The following SGCZ variants were observed in gnomAD, a reference collection of about 807,000 sequenced individuals.
SGCZ encodes the protein sarcoglycan zeta.
Under a neutral mutation model 41.3 loss-of-function variants are expected in SGCZ, and 40 were observed. The ratio of observed to expected loss-of-function variants is 0.97; its 90% CI spans 0.75 to 1.26. The LOEUF (loss-of-function observed/expected upper bound fraction) is 1.26. Ranked by LOEUF, SGCZ falls within the 50% of genes most tolerant of loss-of-function variation. SGCZ has a pLI of 0.00. For synonymous variants in SGCZ, 206 were observed against 137.5 expected (o/e 1.50, Z -3.49); for missense variants, 552 against 369.8 (o/e 1.49, Z -4.04).
intron 1 of SGCZ, among the ~76,000 whole-genome samples, chr8:14,654,665 G>A (rs948743398): frequency 1.3e-5 from 2 of 151,838 alleles, no homozygotes; most frequent in African/African-American, 2.4e-5. Context: ...ACTGCTTCCC[G>A]AGTTCAAGCG....
chr8:14,832,498 T>C (rs1238967800), intron 1 of SGCZ, among the ~76,000 whole-genome samples: 1 of 148,716 alleles, frequency 6.7e-6, no homozygotes, highest in Non-Finnish European at 1.5e-5. Flanking sequence ...ATGGGTAGCA[T>C]TTTTTTTAAC....
intron 1 of SGCZ, among the ~76,000 whole-genome samples, chr8:14,611,700 T>C (rs1411983902): frequency 6.6e-6 from 1 of 152,180 alleles, no homozygotes; most frequent in African/African-American, 2.4e-5. Flanking sequence ...AGATTTTTCA[T>C]AAAGAAATAT....
intron 1 of SGCZ, among the ~76,000 whole-genome samples, chr8:14,880,497 C>G (rs148205037): frequency 3.9e-5 from 6 of 152,060 alleles, no homozygotes; most frequent in African/African-American, 1.4e-4. Context: ...TAAAGACACA[C>G]GCACACGTAT....
intron 2 of SGCZ, among the ~76,000 whole-genome samples, chr8:14,523,534 T>C (rs947275817): frequency 5.9e-5 from 9 of 152,058 alleles, no homozygotes; most frequent in African/African-American, 1.9e-4. Flanking sequence ...AATCTGTCAT[T>C]CATATTCTTC....
At chr8:15,132,196 C>T (rs559773808) in intron 1 of SGCZ, among the ~76,000 whole-genome samples, 1 of 152,220 alleles carries the variant, frequency 6.6e-6, no homozygotes, top group East Asian at 1.9e-4. Context: ...GAACCACACA[C>T]AATGGAGTTA....
chr8:14,731,156 C>G (rs553890893), intron 1 of SGCZ, among the ~76,000 whole-genome samples: 10 of 151,746 alleles, frequency 6.6e-5, no homozygotes, highest in Non-Finnish European at 1.3e-4. Flanking sequence ...CAATGACAGA[C>G]TGGATAAAGA....
chr8:15,054,790 T>TA (rs939741436), intron 1 of SGCZ, among the ~76,000 whole-genome samples: 10 of 149,692 alleles, frequency 6.7e-5, no homozygotes, highest in African/African-American at 2.2e-4. Context: ...CCGTCTCTAC[T>TA]AAAAAAATAC....
In SGCZ at chr8:14,800,669, C is replaced by T. The variant is rs372041401; in HGVS notation, c.40-245743G>A. ...CTTTCTCTCCTTCTGCCATGTAAGACGTGCTTTGCTTCCCTTTCCCCTTCT... is the reference window on the plus strand; with the variant it reads ...CTTTCTCTCCTTCTGCCATGTAAGATGTGCTTTGCTTCCCTTTCCCCTTCT... On this transcript the variant is annotated intron_variant, in intron 1 of 7. Coordinates refer to ENST00000382080, the MANE Select transcript of SGCZ (RefSeq NM_139167.4). Among the ~76,000 whole-genome samples, 761 of 152,220 alleles carry T rather than the reference C, an allele frequency of 5.0e-3. 2 individuals carry two copies. Among genetic ancestry groups the T allele is most frequent in the East Asian group, 0.011 (59 of 5,166 alleles).
chr8:14,095,744 G>A (rs993315475), intron 7 of SGCZ, among the ~76,000 whole-genome samples: 2 of 152,152 alleles, frequency 1.3e-5, no homozygotes, highest in Non-Finnish European at 2.9e-5. Context: ...AGCATGGAAT[G>A]TTTTTCCATT....
chr8:14,342,562 G>A (rs1386036709), intron 2 of SGCZ, among the ~76,000 whole-genome samples: 1 of 152,090 alleles, frequency 6.6e-6, no homozygotes, highest in Non-Finnish European at 1.5e-5. Context: ...TGATCCACCT[G>A]CCTTAGCTTC....
intron 6 of SGCZ, 89 bp downstream of exon 6, chr8:14,108,074 T>A: frequency 1.1e-6 from 1 of 907,318 alleles, no homozygotes; most frequent in Non-Finnish European, 1.6e-6. Context: ...GGAGAAACAT[T>A]TGTCTAGTTG....
chr8:14,977,922 CACAT>C lies in SGCZ; in HGVS notation c.39+259659_39+259662del, dbSNP rs1480046461. Among the ~76,000 whole-genome samples the C allele has an allele frequency of 6.6e-5, 10 of 150,460 alleles. No individual in the cohort carries two copies. The East Asian group carries it at 1.7e-3, about 26-fold the overall frequency. On this transcript the variant is annotated intron_variant, in intron 1 of 7. Coordinates refer to ENST00000382080, the MANE Select transcript of SGCZ (RefSeq NM_139167.4). ...ACACACACACACACATATATACACA[CACAT>C]ATATATCTAAATATTGTTTATTTTT... is the stretch of plus-strand genomic sequence containing the variant.
chr8:15,081,771 G>T, intron 1 of SGCZ, among the ~76,000 whole-genome samples: 1 of 152,108 alleles, frequency 6.6e-6, no homozygotes, highest in East Asian at 1.9e-4. Context: ...GAGAGAAAAG[G>T]CAAGTAACTG....
chr8:14,650,102 C>T (rs1187233763), intron 1 of SGCZ, among the ~76,000 whole-genome samples: 3 of 152,068 alleles, frequency 2.0e-5, no homozygotes, highest in African/African-American at 7.2e-5. Flanking sequence ...AGCACCCAGA[C>T]ATAGACGCAA....
chr8:14,427,669 G>A (rs1799825762), intron 2 of SGCZ, among the ~76,000 whole-genome samples: 1 of 152,114 alleles, frequency 6.6e-6, no homozygotes, highest in Admixed American at 6.5e-5. Context: ...GCTTCCAGCA[G>A]CTAGCCAGAA....
At chr8:14,118,425 T>C (rs1802592186) in intron 5 of SGCZ, among the ~76,000 whole-genome samples, 1 of 151,942 alleles carries the variant, frequency 6.6e-6, no homozygotes, top group South Asian at 2.1e-4. Flanking sequence ...TGTTTTTTTC[T>C]TGTAAATTTA....
chr8:14,128,936 G>A (rs372295882), intron 5 of SGCZ, among the ~76,000 whole-genome samples: 12 of 152,222 alleles, frequency 7.9e-5, no homozygotes, highest in Non-Finnish European at 1.3e-4. Flanking sequence ...AAAAGTGGAC[G>A]GTGGAGAGGA....
intron 2 of SGCZ, among the ~76,000 whole-genome samples, chr8:14,507,830 G>A (rs1802352258): frequency 6.8e-6 from 1 of 146,788 alleles, no homozygotes; most frequent in South Asian, 2.2e-4. Flanking sequence ...GGAGTGCAAT[G>A]GCGCGATCTC....
At chr8:14,716,828 T>G (rs1215190976) in intron 1 of SGCZ, among the ~76,000 whole-genome samples, 1 of 152,126 alleles carries the variant, frequency 6.6e-6, no homozygotes, top group African/African-American at 2.4e-5. Context: ...AATTCCACTT[T>G]GTAATACTCC....
Sources: gnomAD v4.1 joint callset for allele counts (sites outside exome capture counted in the v4.1 genomes callset) on GRCh38, gnomAD v4.1.1 for gene constraint, MANE v1.5 for transcripts, NCBI Gene and HGNC (gene_info 2026-07-23, HGNC 2026-07-21) for gene names.